The following SKI variants were observed in gnomAD, a reference collection of about 807,000 sequenced individuals.
SKI encodes the protein SKI proto-oncogene.
In SKI, 23 loss-of-function variants were observed where a neutral mutation model predicts 59.3. The ratio of observed to expected loss-of-function variants is 0.39; its 90% confidence interval spans 0.28 to 0.55. The LOEUF is 0.55. SKI is among the 20% of genes least tolerant of loss of function. The pLI is 0.67. For synonymous variants in SKI, 673 were observed against 488.6 expected (o/e 1.38, Z -4.98); for missense variants, 1,017 against 1,038.9 (o/e 0.98, Z 0.29).
intron 1 of SKI, among the ~76,000 whole-genome samples, chr1:2,271,937 G>A (rs1196923860): frequency 6.6e-6 from 1 of 152,154 alleles, no homozygotes; most frequent in Non-Finnish European, 1.5e-5. Context: ...GATGGCTGGC[G>A]GGACTGGGAG....
intron 1 of SKI, among the ~76,000 whole-genome samples, chr1:2,302,201 T>C (rs1640442046): frequency 6.6e-6 from 1 of 152,088 alleles, no homozygotes; most frequent in South Asian, 2.1e-4. Context: ...TCCAGGCACC[T>C]TCGCTAAGCT....
chr1:2,293,770 G>A (rs1384424483), intron 1 of SKI, among the ~76,000 whole-genome samples: 5 of 152,196 alleles, frequency 3.3e-5, no homozygotes, highest in African/African-American at 4.8e-5. Context: ...CTCTGGGACC[G>A]TCTACCTGTC....
At chr1:2,287,662 C>T (rs572883010) in intron 1 of SKI, among the ~76,000 whole-genome samples, 16 of 151,914 alleles carry the variant, frequency 1.1e-4, no homozygotes, top group South Asian at 2.1e-4. Context: ...GAGGGTCTGC[C>T]GCAGGGGGGG....
rs566999102 is a variant in SKI at position 2,270,306 on chromosome 1, G to C, written c.970-32672G>C. Reference sequence around the variant, plus strand: ...CTGCGGGCCTGGCATGGGAGTAGGGGCTGAGAGATGCTGGTGACACCACTC... The same window carrying C: ...CTGCGGGCCTGGCATGGGAGTAGGGCCTGAGAGATGCTGGTGACACCACTC... On this transcript the variant is annotated intron_variant, in intron 1 of 6. Transcript: ENST00000378536. The surrounding 1 kb of genome is among the most constrained non-coding windows in gnomAD (Gnocchi z 4.1). Among the ~76,000 whole-genome samples the C allele has an allele frequency of 6.6e-6, 1 of 152,344 alleles. No individual in the cohort carries two copies. Among genetic ancestry groups the C allele is most frequent in the East Asian group, 1.9e-4 (1 of 5,178 alleles).
intron 1 of SKI, among the ~76,000 whole-genome samples, chr1:2,262,969 G>A (rs1282599688): frequency 1.3e-5 from 2 of 151,882 alleles, no homozygotes; most frequent in Non-Finnish European, 2.9e-5. Flanking sequence ...GCGCTATCTC[G>A]GCTCACTGTA....
chr1:2,259,992 G>C (rs888293086), intron 1 of SKI, among the ~76,000 whole-genome samples: 1 of 152,216 alleles, frequency 6.6e-6, no homozygotes, highest in African/African-American at 2.4e-5. Context: ...ACAAGTTGTT[G>C]TCGGGATACA....
At chr1:2,255,277 C>G (rs539965889) in intron 1 of SKI, among the ~76,000 whole-genome samples, 1 of 152,078 alleles carries the variant, frequency 6.6e-6, no homozygotes, top group Non-Finnish European at 1.5e-5. Flanking sequence ...GGTGCTTGAC[C>G]TCAGTCCAGC....
rs1429864298 is a variant in SKI at position 2,309,173 on chromosome 1, T to C, written c.*2408T>C. ...CTGAGGGGTCCCAGGCCCCGAGGGGTGCACGCCTGGCTCCCCTTGGCACAG... is the reference window on the plus strand; with the variant it reads ...CTGAGGGGTCCCAGGCCCCGAGGGGCGCACGCCTGGCTCCCCTTGGCACAG... On this transcript the variant is annotated 3_prime_UTR_variant, in exon 7 of 7. Coordinates refer to ENST00000378536, the MANE Select transcript of SKI (RefSeq NM_003036.4). 1 of 152,124 alleles carries C rather than the reference T, an allele frequency of 6.6e-6. No individual in the cohort carries two copies. The highest frequency in any genetic ancestry group is 1.5e-5 in the Non-Finnish European group (1 of 68,032). 9.4% of individuals were successfully genotyped at this position (152,124 alleles called of 1,614,324 possible). A position where few individuals can be genotyped will look rare whatever the true frequency, so the allele number is the denominator to read the frequency against.
chr1:2,279,838 G>A (rs1639833503), intron 1 of SKI, among the ~76,000 whole-genome samples: 3 of 152,238 alleles, frequency 2.0e-5, no homozygotes, highest in Non-Finnish European at 4.4e-5. Context: ...ACAGCAGTGA[G>A]CCAGTGTGCC....
At chr1:2,287,526 C>T (rs6691983) in intron 1 of SKI, among the ~76,000 whole-genome samples, 51,660 of 151,240 alleles carry the variant, frequency 0.34, 9,482 homozygotes, top group Non-Finnish European at 0.42. Flanking sequence ...TTAGTAGAGA[C>T]GGGGTTTCAC....
At chr1:2,249,112 G>A (rs1038042989) in intron 1 of SKI, among the ~76,000 whole-genome samples, 1 of 152,262 alleles carries the variant, frequency 6.6e-6, no homozygotes, top group Non-Finnish European at 1.5e-5. Flanking sequence ...TCTTGGTGCT[G>A]CCTGGCACTG....
chr1:2,256,170 A>C (rs1432405193), intron 1 of SKI, among the ~76,000 whole-genome samples: 1 of 117,950 alleles, frequency 8.5e-6, no homozygotes, highest in East Asian at 2.6e-4. Flanking sequence ...CTCATTTCTT[A>C]TCTGTGCCAC....
chr1:2,261,953 C>T (rs1639396597), intron 1 of SKI, among the ~76,000 whole-genome samples: 1 of 124,204 alleles, frequency 8.1e-6, no homozygotes, highest in African/African-American at 3.0e-5. Flanking sequence ...CGCTCCTGAT[C>T]TCCTGATCTC....
rs1476360335 is a variant in SKI, at chr1:2,228,793, C to T, written c.27C>T (p.Gly9=). The T allele has an allele frequency of 2.3e-6, 3 of 1,320,072 alleles. No homozygotes were observed. The highest frequency in any genetic ancestry group is 2.9e-6 in the Non-Finnish European group (3 of 1,022,202). The allele number at this position is 1,320,072 out of a possible 1,614,324, so 81.8% of individuals were successfully genotyped here. Residue 9 remains glycine (G), a synonymous_variant, in exon 1 of 7, where the codon GGC becomes GGT. Transcript: ENST00000378536. MEAAAGGR[G]CFQPHPGLQK... Reference sequence around the variant, plus strand: ...TGGAGGCGGCGGCAGGCGGCCGCGGCTGTTTCCAGCCGCACCCGGGGCTGC... The same window carrying T: ...TGGAGGCGGCGGCAGGCGGCCGCGGTTGTTTCCAGCCGCACCCGGGGCTGC...
rs576476657 is a variant in SKI, at chr1:2,276,412, C to T, written c.970-26566C>T. Among the ~76,000 whole-genome samples, 11 of 152,266 alleles carry T rather than the reference C, an allele frequency of 7.2e-5. No homozygotes were observed. In the East Asian group the frequency reaches 1.6e-3, roughly 21 times the overall value. ...GGACCCTCCAGGGAGTTCAGCAAGC[C>T]GGAAATGCGTGTCTGCTGCTCTCCT... On this transcript the variant is annotated intron_variant, in intron 1 of 6. Coordinates refer to ENST00000378536, the MANE Select transcript of SKI (RefSeq NM_003036.4).
intron 1 of SKI, among the ~76,000 whole-genome samples, chr1:2,292,339 G>A (rs901750288): frequency 3.9e-5 from 6 of 152,208 alleles, no homozygotes; most frequent in African/African-American, 9.7e-5. Context: ...GAAGCTCTGA[G>A]CTGTGCTGCA....
chr1:2,286,519 G>A (rs1640043079), intron 1 of SKI, among the ~76,000 whole-genome samples: 3 of 152,216 alleles, frequency 2.0e-5, no homozygotes, highest in Admixed American at 2.0e-4. Context: ...AAATGCAAAT[G>A]TAAGAGTGTT....
At position 2,303,427 on chromosome 1, in the gene SKI, T is replaced by G. The variant is rs151209631; in HGVS notation, c.1211+27T>G. On this transcript the variant is annotated intron_variant, in intron 3 of 6. Transcript: ENST00000378536. This position sits in a 1 kb window ranked among gnomAD's most constrained non-coding sequence, Gnocchi z 5.6. ...TGAGTGGGCGCCATTCACAGGTGTT[T>G]CTGATCACGGGGGAGGCTCCACGAG... 1.3e-4 allele frequency: 211 copies of G among 1,586,818 alleles called. 2 individuals carry two copies. In the African/African-American group the frequency reaches 2.6e-3, roughly 19 times the overall value.
At chr1:2,246,401 T>A (rs902147476) in intron 1 of SKI, among the ~76,000 whole-genome samples, 24 of 152,298 alleles carry the variant, frequency 1.6e-4, no homozygotes, top group African/African-American at 5.5e-4. Context: ...TTGTACGTCT[T>A]TATCTACTCT....
Sources: allele counts gnomAD v4.1 joint callset (sites outside exome capture counted in the v4.1 genomes callset), GRCh38; gene constraint gnomAD v4.1.1; non-coding constraint Gnocchi (gnomAD v3.1); transcripts MANE v1.5; gene names NCBI Gene and HGNC (gene_info 2026-07-23, HGNC 2026-07-21).